TMEM45B: variants seen among roughly 807,000 people sequenced by gnomAD.
TMEM45B encodes the protein transmembrane protein 45B.
Under a neutral mutation model 27.3 loss-of-function variants are expected in TMEM45B, and 29 were observed. The observed-to-expected ratio is 1.06, with a 90% CI of 0.79 to 1.45. The LOEUF is 1.45. Ranked by LOEUF, TMEM45B falls within the 40% of genes most tolerant of loss-of-function variation. The pLI is 0.00. For synonymous variants in TMEM45B, 143 were observed against 134.7 expected, an observed-to-expected ratio of 1.06 and a Z score of -0.43; for missense variants, 348 against 343.9, an observed-to-expected ratio of 1.01 and a Z score of -0.09.
At chr11:129,848,211 G>T (rs144472082) in intron 1 of TMEM45B, among the ~76,000 whole-genome samples, 1 of 150,958 alleles carries the variant, frequency 6.6e-6, no homozygotes, top group South Asian at 2.1e-4. Flanking sequence ...ACTGCACTCC[G>T]GCCTGGGCAC....
At chr11:129,818,194 A>G (rs961280527) in intron 1 of TMEM45B, among the ~76,000 whole-genome samples, 1 of 152,218 alleles carries the variant, frequency 6.6e-6, no homozygotes, top group Non-Finnish European at 1.5e-5. Flanking sequence ...ACAAACACAA[A>G]TAGACTATTT....
In TMEM45B at chr11:129,826,748, C is replaced by T. The variant is rs1278197677; in HGVS notation, c.-9+10850C>T. On this transcript the variant is annotated intron_variant, in intron 1 of 5. Coordinates refer to ENST00000281441, the MANE Select transcript of TMEM45B (RefSeq NM_138788.5). ...TTTGAGACGGAGTCTCGATCTGTCA[C>T]CCAGGCTGGAATGCAGTGGCGCGAT... is the stretch of plus-strand genomic sequence containing the variant. Among the ~76,000 whole-genome samples, 5 of 148,322 alleles carry T rather than the reference C, an allele frequency of 3.4e-5. No homozygotes were observed. In the East Asian group the frequency reaches 1.0e-3, roughly 30 times the overall value.
chr11:129,828,070 C>T (rs546229886), intron 1 of TMEM45B: 122 of 152,336 alleles, frequency 8.0e-4, no homozygotes, highest in African/African-American at 2.3e-3. Flanking sequence ...TGACTGTATA[C>T]AGCTGTCTAC....
In TMEM45B at chr11:129,855,319, AT is replaced by A. The variant is rs1473014605; in HGVS notation, c.386-388del. On this transcript the variant is annotated intron_variant, in intron 3 of 5. Transcript: ENST00000281441. ...CCACTGCCAGGGGAGCGCTGCCAGT[AT>A]GACTCACACTGACTGGGGTATGAAA... 1.7e-3 allele frequency among the ~76,000 whole-genome samples: 252 copies of A among 152,250 alleles called. 1 individual carries two copies. Among genetic ancestry groups the A allele is most frequent in the African/African-American group, 5.7e-3 (237 of 41,534 alleles).
intron 1 of TMEM45B, among the ~76,000 whole-genome samples, chr11:129,849,478 T>C (rs1947814096): frequency 6.6e-6 from 1 of 152,222 alleles, no homozygotes; most frequent in South Asian, 2.1e-4. Context: ...CCTCCAAGGC[T>C]TCCCTAAGTA....
intron 1 of TMEM45B, chr11:129,850,344 T>C (rs1349764715): frequency 1.3e-5 from 2 of 152,168 alleles, no homozygotes; most frequent in Non-Finnish European, 2.9e-5. Context: ...TTTTTATGTT[T>C]AGTAGAGACA....
chr11:129,841,489 A>G (rs1409127384), intron 1 of TMEM45B, among the ~76,000 whole-genome samples: 1 of 152,152 alleles, frequency 6.6e-6, no homozygotes, highest in Admixed American at 6.5e-5. Flanking sequence ...AGAGCCCAGC[A>G]AGGGAGATAA....
chr11:129,855,911 G>GCC lies in TMEM45B; in HGVS notation c.570+22_570+23dup. The GCC allele has an allele frequency of 6.2e-7, 1 of 1,613,272 alleles. No homozygotes were observed. The highest frequency in any genetic ancestry group is 8.5e-7 in the Non-Finnish European group (1 of 1,179,528). On this transcript the variant is annotated intron_variant, in intron 4 of 5. Transcript: ENST00000281441. ...CTGGCAGGTGATTTTCCACACCCAG[G>GCC]CCCCTCGCTGGTCTGGATGGAGAAG...
At chr11:129,852,738 A>T in intron 2 of TMEM45B, 78 bp downstream of exon 2, 1 of 1,472,144 alleles carries the variant, frequency 6.8e-7, no homozygotes, top group Non-Finnish European at 9.2e-7. Flanking sequence ...GAGCCCTGTG[A>T]AATAGATGTT....
intron 1 of TMEM45B, among the ~76,000 whole-genome samples, chr11:129,846,900 C>T (rs192152084): frequency 1.8e-4 from 27 of 152,276 alleles, no homozygotes; most frequent in African/African-American, 6.0e-4. Context: ...GGAGTGTTCT[C>T]AGCCATTTAA....
intron 1 of TMEM45B, among the ~76,000 whole-genome samples, chr11:129,850,814 C>A (rs1947837045): frequency 6.6e-6 from 1 of 152,164 alleles, no homozygotes; most frequent in Non-Finnish European, 1.5e-5. Context: ...TCTTCTGAGC[C>A]CTCACCAGAA....
chr11:129,827,315 AG>A (rs1261598476), intron 1 of TMEM45B, among the ~76,000 whole-genome samples: 1 of 152,234 alleles, frequency 6.6e-6, no homozygotes, highest in African/African-American at 2.4e-5. Flanking sequence ...CTACACATCT[AG>A]GCTATGCGGT....
intron 1 of TMEM45B, among the ~76,000 whole-genome samples, chr11:129,842,016 G>A (rs2135582112): frequency 6.6e-6 from 1 of 152,348 alleles, no homozygotes; most frequent in South Asian, 2.1e-4. Flanking sequence ...TGGAAATTCT[G>A]GAGTTGGAAG....
chr11:129,836,712 GA>G (rs1199524141), intron 1 of TMEM45B, among the ~76,000 whole-genome samples: 2 of 152,238 alleles, frequency 1.3e-5, no homozygotes, highest in African/African-American at 4.8e-5. Context: ...CCAAGCCAAG[GA>G]GAGAGGCCTC....
chr11:129,816,272 C>T (rs1056296963), intron 1 of TMEM45B, among the ~76,000 whole-genome samples: 1 of 152,168 alleles, frequency 6.6e-6, no homozygotes, highest in African/African-American at 2.4e-5. Flanking sequence ...GGTGTGAAGC[C>T]CCGGGCCTCC....
At chr11:129,857,056 G>A (rs1289808162) in intron 4 of TMEM45B, among the ~76,000 whole-genome samples, 1 of 152,030 alleles carries the variant, frequency 6.6e-6, no homozygotes, top group Non-Finnish European at 1.5e-5. Context: ...GTTTCACTAT[G>A]TTGGTCAGGC....
At chr11:129,829,079 G>A (rs1379145920) in intron 1 of TMEM45B, among the ~76,000 whole-genome samples, 2 of 152,210 alleles carry the variant, frequency 1.3e-5, no homozygotes, top group African/African-American at 2.4e-5. Flanking sequence ...TGGTATTAAT[G>A]TCCCTGTTTT....
intron 1 of TMEM45B, among the ~76,000 whole-genome samples, chr11:129,840,800 G>A (rs1265361904): frequency 3.3e-5 from 5 of 151,674 alleles, no homozygotes; most frequent in Non-Finnish European, 7.4e-5. Context: ...CAGGAGAATC[G>A]CTTGGAGGCA....
At chr11:129,816,732 CTTTTTTTT>C (rs869217352) in intron 1 of TMEM45B, among the ~76,000 whole-genome samples, 1 of 79,748 alleles carries the variant, frequency 1.3e-5, no homozygotes, top group Non-Finnish European at 2.2e-5. Context: ...ATGGCCACTT[CTTTTTTTT>C]TTTTTTTTTT....
Sources: allele counts gnomAD v4.1 joint callset (sites outside exome capture counted in the v4.1 genomes callset), GRCh38; gene constraint gnomAD v4.1.1; transcripts MANE v1.5; gene names NCBI Gene and HGNC (gene_info 2026-07-23, HGNC 2026-07-21).